Variants in GALNTL6 observed in about 807,000 individuals in gnomAD.
GALNTL6 encodes the protein polypeptide N-acetylgalactosaminyltransferase-like 6.
In GALNTL6, 46 loss-of-function variants were observed where a neutral mutation model predicts 73.7. The ratio of observed to expected loss-of-function variants is 0.62; its 90% CI spans 0.49 to 0.80. The LOEUF (loss-of-function observed/expected upper bound fraction) is 0.80, where lower values mean the gene tolerates loss of function less well. Among genes scored for constraint, GALNTL6 ranks in the 30% least tolerant of loss-of-function variants. GALNTL6 has a pLI of 0.00. For synonymous variants in GALNTL6, 259 were observed against 263.7 expected (o/e 0.98, Z 0.17); for missense variants, 604 against 755.0 (o/e 0.80, Z 2.34).
intron 8 of GALNTL6, among the ~76,000 whole-genome samples, chr4:172,917,688 A>G (rs1261625803): frequency 1.3e-5 from 2 of 152,222 alleles, no homozygotes; most frequent in African/African-American, 4.8e-5. Context: ...GCAAATCAAA[A>G]CCACAATGAG....
chr4:172,970,774 C>A (rs141964467), intron 10 of GALNTL6, among the ~76,000 whole-genome samples: 2 of 152,194 alleles, frequency 1.3e-5, no homozygotes, highest in African/African-American at 4.8e-5. Context: ...AAAGTAAAGA[C>A]AGGCATAAGA....
intron 5 of GALNTL6, among the ~76,000 whole-genome samples, chr4:172,426,738 T>C (rs939418862): frequency 2.6e-5 from 4 of 152,124 alleles, no homozygotes; most frequent in Non-Finnish European, 4.4e-5. Flanking sequence ...TGAATGTTGA[T>C]TCATTACTGA....
chr4:172,552,734 G>GT (rs546719355), intron 5 of GALNTL6, among the ~76,000 whole-genome samples: 494 of 128,058 alleles, frequency 3.9e-3, no homozygotes, highest in Non-Finnish European at 5.4e-3. Flanking sequence ...TGTTAAAAGC[G>GT]TTTTTTTTTT....
At chr4:171,837,844 C>A (rs1579497836) in intron 2 of GALNTL6, among the ~76,000 whole-genome samples, 1 of 150,906 alleles carries the variant, frequency 6.6e-6, no homozygotes, top group East Asian at 1.9e-4. Context: ...ACCCAACTCT[C>A]CTACAAAATC....
intron 2 of GALNTL6, among the ~76,000 whole-genome samples, chr4:172,110,235 T>C (rs1384592079): frequency 6.6e-6 from 1 of 152,200 alleles, no homozygotes; most frequent in Non-Finnish European, 1.5e-5. Flanking sequence ...AGAATAAAAA[T>C]GTTAGATTAT....
At chr4:172,402,733 A>T (rs1364139542) in intron 5 of GALNTL6, among the ~76,000 whole-genome samples, 4 of 152,086 alleles carry the variant, frequency 2.6e-5, no homozygotes, top group African/African-American at 9.6e-5. Context: ...GCCACAAAAC[A>T]AAAGGAACAC....
chr4:172,364,024 G>A (rs2111244680), intron 5 of GALNTL6, among the ~76,000 whole-genome samples: 1 of 152,244 alleles, frequency 6.6e-6, no homozygotes, highest in South Asian at 2.1e-4. Context: ...ATTCCCACTT[G>A]AGAGAGTTTG....
chr4:173,016,754 C>T (rs1752799401), intron 11 of GALNTL6, among the ~76,000 whole-genome samples: 1 of 152,120 alleles, frequency 6.6e-6, no homozygotes, highest in African/African-American at 2.4e-5. Context: ...TGAGTTAAGA[C>T]TTTGGGGGAC....
intron 7 of GALNTL6, among the ~76,000 whole-genome samples, chr4:172,851,050 C>T (rs1384478950): frequency 6.6e-6 from 1 of 152,060 alleles, no homozygotes; most frequent in Non-Finnish European, 1.5e-5. Context: ...CAATTTCCAG[C>T]CCCCCTTCCT....
chr4:172,072,714 C>G (rs1731580788), intron 2 of GALNTL6, among the ~76,000 whole-genome samples: 1 of 152,166 alleles, frequency 6.6e-6, no homozygotes, highest in Non-Finnish European at 1.5e-5. Flanking sequence ...TCAGATTTGT[C>G]TCCAAAATAT....
At chr4:172,751,874 G>C (rs565104917) in intron 5 of GALNTL6, among the ~76,000 whole-genome samples, 1 of 152,258 alleles carries the variant, frequency 6.6e-6, no homozygotes, top group Admixed American at 6.5e-5. Context: ...TATTCTGTCT[G>C]AGTTTCACTG....
intron 3 of GALNTL6, among the ~76,000 whole-genome samples, chr4:172,243,921 T>G (rs1009623588): frequency 6.6e-6 from 1 of 152,156 alleles, no homozygotes; most frequent in Non-Finnish European, 1.5e-5. Flanking sequence ...TAGCAACCAT[T>G]GCTATGGCTA....
intron 2 of GALNTL6, among the ~76,000 whole-genome samples, chr4:171,898,999 T>A: frequency 6.6e-6 from 1 of 151,390 alleles, no homozygotes. Flanking sequence ...ATATATTTAG[T>A]GAATACATTC....
At chr4:172,483,131 ATTAC>A (rs1477806728) in intron 5 of GALNTL6, among the ~76,000 whole-genome samples, 2 of 152,148 alleles carry the variant, frequency 1.3e-5, no homozygotes, top group African/African-American at 4.8e-5. Flanking sequence ...TGCATGGAAA[ATTAC>A]TTACTAAATG....
intron 5 of GALNTL6, among the ~76,000 whole-genome samples, chr4:172,582,361 G>A (rs1737223128): frequency 3.3e-5 from 5 of 152,200 alleles, no homozygotes; most frequent in Middle Eastern, 3.4e-3. Context: ...TAATAGTATG[G>A]CTATCCCTTG....
rs529407528 is a variant in GALNTL6 at position 172,106,441 on chromosome 4, G to A, written c.139-123215G>A. Reference sequence around the variant, plus strand: ...ACTCTTTAATCTATGTAATAAACATGTCCATCAGATTGGAATTGATATCCT... The same window carrying A: ...ACTCTTTAATCTATGTAATAAACATATCCATCAGATTGGAATTGATATCCT... On this transcript the variant is annotated intron_variant, in intron 2 of 12. Transcript: ENST00000506823. 5.7e-4 allele frequency among the ~76,000 whole-genome samples: 87 copies of A among 152,180 alleles called. 1 individual carries two copies. In the South Asian group the frequency reaches 0.018, roughly 31 times the overall value.
chr4:171,963,916 A>G (rs796805279), intron 2 of GALNTL6, among the ~76,000 whole-genome samples: 6 of 152,300 alleles, frequency 3.9e-5, no homozygotes, highest in African/African-American at 1.4e-4. Context: ...TTTATAGAAA[A>G]GAGTCTTGGA....
chr4:172,671,134 CT>C (rs1731956103), intron 5 of GALNTL6, among the ~76,000 whole-genome samples: 1 of 152,044 alleles, frequency 6.6e-6, no homozygotes, highest in Non-Finnish European at 1.5e-5. Flanking sequence ...GCTATTCAGG[CT>C]CTTTTTTGGT....
rs201993812 is a variant in GALNTL6, at chr4:172,304,348, C to T, written c.248-7266C>T. ...GAAGATCAAAAAGTTCCTGCTTCTG[C>T]GGAGCATACATCCCAATGGGAACAT... On this transcript the variant is annotated intron_variant, in intron 3 of 12. Coordinates refer to ENST00000506823, the MANE Select transcript of GALNTL6 (RefSeq NM_001034845.3). 1.4e-3 allele frequency among the ~76,000 whole-genome samples: 213 copies of T among 151,674 alleles called. 2 individuals carry two copies. The South Asian group carries it at 0.016, about 11-fold the overall frequency.
Sources: allele counts gnomAD v4.1 joint callset (sites outside exome capture counted in the v4.1 genomes callset), GRCh38; gene constraint gnomAD v4.1.1; transcripts MANE v1.5; gene names NCBI Gene and HGNC (gene_info 2026-07-23, HGNC 2026-07-21).